Variants in SYNE2 observed in about 807,000 individuals in gnomAD.
SYNE2 encodes the protein spectrin repeat containing nuclear envelope protein 2.
In SYNE2, 431 loss-of-function variants were observed where a neutral mutation model predicts 856.3. The ratio of observed to expected loss-of-function variants is 0.50; its 90% CI spans 0.47 to 0.55. The LOEUF is 0.55. Among genes scored for constraint, SYNE2 ranks in the 20% least tolerant of loss-of-function variants. The pLI, the probability that SYNE2 is intolerant of heterozygous loss-of-function variation, is 0.00. For missense variants in SYNE2, 8,129 were observed against 8,023.2 expected (o/e 1.01, Z -0.50); for synonymous variants, 2,923 against 2,872.3 (o/e 1.02, Z -0.56).
intron 1 of SYNE2, among the ~76,000 whole-genome samples, chr14:63,762,553 C>T (rs1296811054): frequency 6.7e-6 from 1 of 148,620 alleles, no homozygotes; most frequent in African/African-American, 2.5e-5. Flanking sequence ...ATGCCTTGGC[C>T]ATAAATATGG....
chr14:64,218,663 C>A, intron 109 of SYNE2, 151 bp downstream of exon 109: 2 of 752,488 alleles, frequency 2.7e-6, no homozygotes, highest in Non-Finnish European at 2.2e-6. Context: ...TTTAAATCAG[C>A]GATTGGCATT....
intron 57 of SYNE2, chr14:64,084,981 C>G: frequency 1.4e-6 from 1 of 702,336 alleles, no homozygotes. Context: ...GTGGGCTCCT[C>G]CAGGAGTCTG....
chr14:63,850,223 AG>A (rs912526792), upstream of SYNE2, among the ~76,000 whole-genome samples: 33 of 148,658 alleles, frequency 2.2e-4, no homozygotes, highest in African/African-American at 8.2e-4. Context: ...CTAGGATTAC[AG>A]GCATGAGCCA....
intron 11 of SYNE2, among the ~76,000 whole-genome samples, chr14:63,971,810 A>T (rs986871168): frequency 3.9e-5 from 6 of 151,910 alleles, no homozygotes; most frequent in African/African-American, 1.5e-4. Flanking sequence ...ATATGTCTTT[A>T]TTTTGCCTTC....
At chr14:64,053,853 C>G (rs2097247754) in intron 48 of SYNE2, among the ~76,000 whole-genome samples, 196 bp downstream of exon 48, 1 of 152,124 alleles carries the variant, frequency 6.6e-6, no homozygotes, top group Non-Finnish European at 1.5e-5. Context: ...GTTGTAATCC[C>G]AGCTACTCAG....
chr14:63,868,589 C>T (rs769561084), intron 1 of SYNE2, among the ~76,000 whole-genome samples: 16 of 152,014 alleles, frequency 1.1e-4, no homozygotes, highest in Non-Finnish European at 8.8e-5. Flanking sequence ...CCTAATTATT[C>T]CCAAGGTCCC....
chr14:64,110,588 A>ACCCCCCCC (rs11315645), intron 65 of SYNE2, among the ~76,000 whole-genome samples: 25 of 75,368 alleles, frequency 3.3e-4, no homozygotes, highest in African/African-American at 6.3e-4. Flanking sequence ...TACTTTTTAC[A>ACCCCCCCC]CCCCCCCCCC....
intron 71 of SYNE2, 115 bp from the exon 72 acceptor site, chr14:64,126,212 T>G: frequency 1.1e-6 from 1 of 914,752 alleles, no homozygotes. Flanking sequence ...TTGAAGCAAC[T>G]TATTACAAAA....
intron 100 of SYNE2, among the ~76,000 whole-genome samples, chr14:64,207,327 C>T (rs374150644): frequency 1.2e-4 from 18 of 152,258 alleles, no homozygotes; most frequent in African/African-American, 4.3e-4. Context: ...GTAATCCCAG[C>T]ACTTTGGGAG....
intron 1 of SYNE2, among the ~76,000 whole-genome samples, chr14:63,822,325 T>C (rs1889252302): frequency 6.6e-6 from 1 of 152,186 alleles, no homozygotes; most frequent in East Asian, 1.9e-4. Context: ...AGTTTCAGGG[T>C]AGGCTTAACT....
chr14:64,114,491 G>T (rs1184482920), intron 66 of SYNE2, among the ~76,000 whole-genome samples: 1 of 152,124 alleles, frequency 6.6e-6, no homozygotes, highest in Non-Finnish European at 1.5e-5. Context: ...GTTGTGGGAA[G>T]CCTGCCTTTG....
chr14:63,828,421 C>A (rs1484368675), intron 1 of SYNE2, among the ~76,000 whole-genome samples: 1 of 152,006 alleles, frequency 6.6e-6, no homozygotes, highest in Non-Finnish European at 1.5e-5. Context: ...GGGTGGATCA[C>A]CTGAGGTGAG....
chr14:63,892,963 A>G (rs2095169845), intron 1 of SYNE2, among the ~76,000 whole-genome samples: 1 of 152,146 alleles, frequency 6.6e-6, no homozygotes. Flanking sequence ...CAGATATTAT[A>G]TGTCAGTCAA....
chr14:63,861,962 C>T (rs1016093736), intron 1 of SYNE2, among the ~76,000 whole-genome samples: 12 of 152,078 alleles, frequency 7.9e-5, no homozygotes, highest in African/African-American at 2.7e-4. Context: ...TATTGCATAA[C>T]GATTACCCAG....
intron 57 of SYNE2, among the ~76,000 whole-genome samples, chr14:64,083,421 C>T (rs1209667956): frequency 2.7e-5 from 4 of 145,626 alleles, no homozygotes; most frequent in African/African-American, 1.0e-4. Context: ...AAAAACTGTA[C>T]AAAAGTGAGC....
intron 100 of SYNE2, among the ~76,000 whole-genome samples, chr14:64,205,211 G>GTT (rs1268471738): frequency 1.3e-5 from 2 of 152,168 alleles, no homozygotes; most frequent in African/African-American, 4.8e-5. Context: ...GGATGTCTTT[G>GTT]TTGGGGGGTT....
At chr14:64,144,088 AT>A in intron 83 of SYNE2, 140 bp downstream of exon 83, 1 of 983,670 alleles carries the variant, frequency 1.0e-6, no homozygotes, top group East Asian at 2.5e-5. Context: ...TATAAATCCT[AT>A]GTTTTAGCAT....
upstream of SYNE2, among the ~76,000 whole-genome samples, chr14:63,849,067 C>T (rs749465994): frequency 2.0e-5 from 3 of 152,092 alleles, no homozygotes; most frequent in Non-Finnish European, 4.4e-5. Context: ...GAAACAAGAC[C>T]AGAATGAGAT....
intron 10 of SYNE2, among the ~76,000 whole-genome samples, chr14:63,966,501 C>T (rs1204538339): frequency 6.6e-6 from 1 of 151,508 alleles, no homozygotes; most frequent in Non-Finnish European, 1.5e-5. Context: ...TCAGCCTGGG[C>T]GATAGAGCCA....
Sources: gnomAD v4.1 joint callset for allele counts (sites outside exome capture counted in the v4.1 genomes callset) on GRCh38, gnomAD v4.1.1 for gene constraint, MANE v1.5 for transcripts, NCBI Gene and HGNC (gene_info 2026-07-23, HGNC 2026-07-21) for gene names.